The following SURF4 variants were observed in gnomAD, a reference collection of about 807,000 sequenced individuals.
The protein encoded by SURF4 is surfeit locus protein 4.
A neutral mutation model predicts 30.0 loss-of-function variants in SURF4; 3 were observed. The observed-to-expected ratio is 0.10, with a 90% CI of 0.05 to 0.26. The LOEUF is 0.26. Ranked by LOEUF, SURF4 falls within the 10% of genes least tolerant of loss-of-function variation. The pLI is 1.00. For synonymous variants in SURF4, 143 were observed against 139.9 expected, an observed-to-expected ratio of 1.02 and a Z score of -0.16; for missense variants, 217 against 350.8, an observed-to-expected ratio of 0.62 and a Z score of 3.05.
Position 133,376,037 on chromosome 9 carries a change from C to T in SURF4, c.-68G>A. ...TGGCTCTCGCCCGTCGGCGCCCGCA[C>T]CCGCTGCGGCCTCCACAGGAAGTGC... On this transcript the variant is annotated 5_prime_UTR_variant, in exon 1 of 6. In the 5' UTR this introduces an upstream ATG that the reference lacks. Coordinates refer to ENST00000371989, the MANE Select transcript of SURF4 (RefSeq NM_033161.4). 1.6e-6 allele frequency: 2 copies of T among 1,214,160 alleles called. No individual in the cohort carries two copies. The highest frequency in any genetic ancestry group is 6.7e-5 in the East Asian group (2 of 29,850). The allele number at this position is 1,214,160 out of a possible 1,614,324, so 75.2% of individuals were successfully genotyped here.
chr9:133,375,409 A>G, intron 1 of SURF4: 1 of 985,740 alleles, frequency 1.0e-6, no homozygotes, highest in Non-Finnish European at 1.2e-6. Context: ...GAAAAGGAAA[A>G]GGTGCTGTGG....
chr9:133,365,670 A>C (rs1588708502), intron 4 of SURF4, among the ~76,000 whole-genome samples: 1 of 152,238 alleles, frequency 6.6e-6, no homozygotes, highest in African/African-American at 2.4e-5. Context: ...CACAGGCTGG[A>C]CAAGCTTGGT....
chr9:133,362,211 GCCTGT>G lies in SURF4; in HGVS notation c.*1277_*1281del, dbSNP rs1836854584. ...GCAGCCCTGGAGACAGGCTGAGCCA[GCCTGT>G]CCCCAGATAGGTCTAGGGGCCAGAG... is the stretch of plus-strand genomic sequence containing the variant. On this transcript the variant is annotated 3_prime_UTR_variant, in exon 6 of 6. Coordinates refer to ENST00000371989, the MANE Select transcript of SURF4 (RefSeq NM_033161.4). The G allele has an allele frequency of 6.6e-6, 1 of 152,260 alleles. No individual in the cohort carries two copies. Among genetic ancestry groups the G allele is most frequent in the African/African-American group, 2.4e-5 (1 of 41,418 alleles). The allele number at this position is 152,260 out of a possible 1,614,324, so 9.4% of individuals were successfully genotyped here.
At chr9:133,376,266 C>G, upstream of SURF4, 1 of 1,304,484 alleles carries the variant, frequency 7.7e-7, no homozygotes, top group South Asian at 2.3e-5. Flanking sequence ...CCCCGCCCGC[C>G]GCGCGCAGGC....
Position 133,367,372 on chromosome 9 carries a change from C to A in SURF4, c.122G>T (p.Gly41Val). The change falls in exon 2 of 6, where the codon GGC becomes GTC. Residue 41 changes from glycine (G) to valine (V), a missense_variant. Gly to Val is a moderately radical substitution (Grantham distance 109, BLOSUM62 -3). Transcript: ENST00000371989. Reference sequence around the variant, plus strand: ...GCTCCACTGGAACCACATACGGATGCCGTCCTCCAGGAAGGTGCTGATCAG... The same window carrying A: ...GCTCCACTGGAACCACATACGGATGACGTCCTCCAGGAAGGTGCTGATCAG... Reference protein sequence around the residue: ...LCLISTFLEDGIRMWFQWSEQ... With the variant: ...LCLISTFLEDVIRMWFQWSEQ... The A allele has an allele frequency of 6.2e-7, 1 of 1,614,212 alleles. No homozygotes were observed. Among genetic ancestry groups the A allele is most frequent in the Non-Finnish European group, 8.5e-7 (1 of 1,180,052 alleles).
intron 4 of SURF4, 140 bp from the exon 5 acceptor site, chr9:133,365,166 G>A: frequency 1.3e-6 from 1 of 750,668 alleles, no homozygotes; most frequent in Non-Finnish European, 2.1e-6. Flanking sequence ...CTGCCAAGCA[G>A]GACCAGGCAG....
At chr9:133,367,976 C>T (rs1056648306) in intron 1 of SURF4, among the ~76,000 whole-genome samples, 2 of 152,230 alleles carry the variant, frequency 1.3e-5, no homozygotes, top group African/African-American at 2.4e-5. Flanking sequence ...CTATGACGCA[C>T]GACATGTCTG....
Position 133,375,902 on chromosome 9 carries a change from G to C in SURF4, c.48+20C>G. On this transcript the variant is annotated intron_variant, in intron 1 of 5. Transcript: ENST00000371989. ...GCCTGGGTCGGGACCGGGGCCGGGGGAGGAGCCCGCAGGCCGCACCTGGTC... is the reference window on the plus strand; with the variant it reads ...GCCTGGGTCGGGACCGGGGCCGGGGCAGGAGCCCGCAGGCCGCACCTGGTC... 1 of 1,223,860 alleles carries C rather than the reference G, an allele frequency of 8.2e-7. No individual in the cohort carries two copies. Among genetic ancestry groups the C allele is most frequent in the Non-Finnish European group, 1.0e-6 (1 of 980,266 alleles). The allele number at this position is 1,223,860 out of a possible 1,614,324, so 75.8% of individuals were successfully genotyped here.
At position 133,376,037 on chromosome 9, in the gene SURF4, C is replaced by G; in HGVS notation, c.-68G>C. 1 of 1,214,160 alleles carries G rather than the reference C, an allele frequency of 8.2e-7. No individual in the cohort carries two copies. Among genetic ancestry groups the G allele is most frequent in the Non-Finnish European group, 1.0e-6 (1 of 975,708 alleles). The allele number at this position is 1,214,160 out of a possible 1,614,324, so 75.2% of individuals were successfully genotyped here. A position where few individuals can be genotyped will look rare whatever the true frequency, so the allele number is the denominator to read the frequency against. On this transcript the variant is annotated 5_prime_UTR_variant, in exon 1 of 6. Coordinates refer to ENST00000371989, the MANE Select transcript of SURF4 (RefSeq NM_033161.4). Reference sequence around the variant, plus strand: ...TGGCTCTCGCCCGTCGGCGCCCGCACCCGCTGCGGCCTCCACAGGAAGTGC... The same window carrying G: ...TGGCTCTCGCCCGTCGGCGCCCGCAGCCGCTGCGGCCTCCACAGGAAGTGC...
intron 1 of SURF4, among the ~76,000 whole-genome samples, chr9:133,374,892 T>A (rs2130230241): frequency 3.8e-4 from 58 of 152,130 alleles, no homozygotes; most frequent in Admixed American, 9.2e-4. Flanking sequence ...CAGAAAAATT[T>A]AAAAATTTAA....
Position 133,366,605 on chromosome 9 carries a change from A to G in SURF4, c.306T>C (p.Ala102=). 6.2e-7 allele frequency: 1 copy of G among 1,613,906 alleles called. No individual in the cohort carries two copies. Among genetic ancestry groups the G allele is most frequent in the Non-Finnish European group, 8.5e-7 (1 of 1,179,998 alleles). ...YACFGLFGII[A]LQTIAYSILW... ...GACCACGCGGCCCGTGTACCTGCAG[A>G]GCTATGATTCCAAAGAGCCCGAAGC... The change falls in exon 3 of 6, where the codon GCT becomes GCC. Residue 102 remains alanine, a synonymous_variant. Coordinates refer to ENST00000371989, the MANE Select transcript of SURF4 (RefSeq NM_033161.4).
rs2130079161 is a variant in SURF4, at chr9:133,362,829, G to A, written c.*664C>T. 4 of 157,246 alleles carry A rather than the reference G, an allele frequency of 2.5e-5. No individual in the cohort carries two copies. Among genetic ancestry groups the A allele is most frequent in the African/African-American group, 9.6e-5 (4 of 41,502 alleles). 9.7% of individuals were successfully genotyped at this position (157,246 alleles called of 1,614,324 possible). A position where few individuals can be genotyped will look rare whatever the true frequency, so the allele number is the denominator to read the frequency against. Reference sequence around the variant, plus strand: ...GCCTCAAGCTACTAAAACTCCCAGGGTGTTACCCAATAAAACACTTGGCAC... The same window carrying A: ...GCCTCAAGCTACTAAAACTCCCAGGATGTTACCCAATAAAACACTTGGCAC... On this transcript the variant is annotated 3_prime_UTR_variant, in exon 6 of 6. Transcript: ENST00000371989.
intron 1 of SURF4, chr9:133,370,936 TTCA>T: frequency 1.6e-6 from 2 of 1,289,504 alleles, no homozygotes; most frequent in Non-Finnish European, 2.0e-6. Flanking sequence ...CAGGATATGG[TTCA>T]TAAGCAGTGA....
At chr9:133,375,864 A>G in intron 1 of SURF4, 58 bp downstream of exon 1, 1 of 1,211,830 alleles carries the variant, frequency 8.3e-7, no homozygotes, top group South Asian at 4.1e-5. Flanking sequence ...CCGACTCCGG[A>G]GCGGCCCGGG....
Position 133,361,962 on chromosome 9 carries a change from A to G in SURF4, c.*1531T>C, listed in dbSNP as rs1369206276. ...GTGAGCACTTGAATGATCACAGGAG[A>G]AGAGAACCCATGTCCTGAAGCCATT... is the stretch of plus-strand genomic sequence containing the variant. On this transcript the variant is annotated 3_prime_UTR_variant, in exon 6 of 6. Coordinates refer to ENST00000371989, the MANE Select transcript of SURF4 (RefSeq NM_033161.4). 1 of 152,230 alleles carries G rather than the reference A, an allele frequency of 6.6e-6. No homozygotes were observed. The highest frequency in any genetic ancestry group is 1.5e-5 in the Non-Finnish European group (1 of 68,054). 9.4% of individuals were successfully genotyped at this position (152,230 alleles called of 1,614,324 possible).
intron 1 of SURF4, among the ~76,000 whole-genome samples, chr9:133,373,926 AAAAAAAAAAG>A (rs1837681360): frequency 6.8e-6 from 1 of 148,146 alleles, no homozygotes; most frequent in African/African-American, 2.5e-5. Context: ...AAAAAAAAAA[AAAAAAAAAAG>A]AAGAAGAAAA....
At chr9:133,375,880 T>C in intron 1 of SURF4, 42 bp downstream of exon 1, 1 of 1,218,064 alleles carries the variant, frequency 8.2e-7, no homozygotes, top group South Asian at 4.1e-5. Context: ...CCGGGCGGCC[T>C]GGGTCGGGAC....
At chr9:133,364,766 T>C in intron 5 of SURF4, 74 bp downstream of exon 5, 1 of 1,294,242 alleles carries the variant, frequency 7.7e-7, no homozygotes. Flanking sequence ...CAGGGAGGGG[T>C]GAGCAGGGAG....
At position 133,366,625 on chromosome 9, in the gene SURF4, C is replaced by T. The variant is rs376457126; in HGVS notation, c.286G>A (p.Gly96Arg). Residue 96 changes from glycine (G) to arginine (R), a missense_variant, in exon 3 of 6, where the codon GGG (glycine) becomes AGG (arginine). Gly to Arg is a moderately radical substitution (Grantham distance 125). Transcript: ENST00000371989. ...TGCAGAGCTATGATTCCAAAGAGCC[C>T]GAAGCAGGCGTACTGCACGAAGTTC... Reference protein sequence around the residue: ...SRNFVQYACFGLFGIIALQTI... With the variant: ...SRNFVQYACFRLFGIIALQTI... 3 of 1,613,822 alleles carry T rather than the reference C, an allele frequency of 1.9e-6. No homozygotes were observed. The highest frequency in any genetic ancestry group is 2.5e-6 in the Non-Finnish European group (3 of 1,180,016).
Sources: allele counts gnomAD v4.1 joint callset (sites outside exome capture counted in the v4.1 genomes callset), GRCh38; gene constraint gnomAD v4.1.1; transcripts MANE v1.5; gene names NCBI Gene and HGNC (gene_info 2026-07-23, HGNC 2026-07-21).